The following ANAPC5 variants were observed in gnomAD, a reference collection of about 807,000 sequenced individuals.
ANAPC5 encodes anaphase-promoting complex subunit 5.
ANAPC5 carries 60 observed loss-of-function variants against 91.3 expected under a neutral mutation model. The observed-to-expected ratio is 0.66, with a 90% CI of 0.53 to 0.81. The LOEUF is 0.81. Among genes scored for constraint, ANAPC5 ranks in the 40% least tolerant of loss-of-function variants. The probability of loss-of-function intolerance (pLI) is 0.00; values close to 1 mark genes in which losing one functional copy is unlikely to be tolerated. For synonymous variants in ANAPC5, 340 were observed against 364.1 expected (o/e 0.93, Z 0.75); for missense variants, 690 against 931.5 (o/e 0.74, Z 3.37).
chr12:121,325,677 G>A (rs1438993799), intron 11 of ANAPC5, among the ~76,000 whole-genome samples: 1 of 151,808 alleles, frequency 6.6e-6, no homozygotes, highest in Non-Finnish European at 1.5e-5. Context: ...GACTATCCTG[G>A]CCAACATGGT....
intron 13 of ANAPC5, among the ~76,000 whole-genome samples, chr12:121,319,096 G>C (rs1305641318): frequency 1.4e-5 from 2 of 141,194 alleles, no homozygotes; most frequent in Non-Finnish European, 3.0e-5. Flanking sequence ...ATGTATGTGA[G>C]CATGCTGTGT....
intron 12 of ANAPC5, among the ~76,000 whole-genome samples, chr12:121,320,057 C>T (rs996142760): frequency 6.6e-6 from 1 of 152,168 alleles, no homozygotes; most frequent in African/African-American, 2.4e-5. Flanking sequence ...GCTTTATCTG[C>T]TTCATATACT....
chr12:121,311,774 A>AGTGAGCCATGATTGTGCC (rs1902176127), intron 15 of ANAPC5, among the ~76,000 whole-genome samples: 1 of 152,156 alleles, frequency 6.6e-6, no homozygotes, highest in African/African-American at 2.4e-5. Flanking sequence ...TTGAGGGTGC[A>AGTGAGCCATGATTGTGCC]GTGAGCCATG....
At position 121,319,775 on chromosome 12, in the gene ANAPC5, A is replaced by T; in HGVS notation, c.1559T>A (p.Met520Lys). Residue 520 changes from methionine (M) to lysine (K), a missense_variant, in exon 13 of 17, where the codon ATG becomes AAG. Around this residue, in one of 5 missense-constraint regions of ANAPC5, gnomAD observed 317 missense variants for 438.7 expected, o/e 0.72. Transcript: ENST00000261819. ...AGCCAAATGATATTTGCCATCATTC[A>T]TTGCTCTGTCAAACTGTATTTTTTG... ...CDQKIQFDRA[M>K]NDGKYHLADS... 1 of 1,612,606 alleles carries T rather than the reference A, an allele frequency of 6.2e-7. No individual in the cohort carries two copies. Among genetic ancestry groups the T allele is most frequent in the Non-Finnish European group, 8.5e-7 (1 of 1,179,540 alleles).
upstream of ANAPC5, among the ~76,000 whole-genome samples, chr12:121,352,778 C>G (rs1254523845): frequency 5.5e-5 from 5 of 91,660 alleles, no homozygotes; most frequent in Admixed American, 4.9e-4. Context: ...GCTATGTTAC[C>G]AAGACTGGAG....
At position 121,318,418 on chromosome 12, in the gene ANAPC5, T is replaced by C. The variant is rs1457450522; in HGVS notation, c.1752A>G (p.Leu584=). The C allele has an allele frequency of 9.3e-6, 15 of 1,611,212 alleles. No individual in the cohort carries two copies. Among genetic ancestry groups the C allele is most frequent in the South Asian group, 2.2e-5 (2 of 90,694 alleles). The change falls in exon 15 of 17, where the codon CTA becomes CTG. Residue 584 remains leucine, a synonymous_variant. Coordinates refer to ENST00000261819, the MANE Select transcript of ANAPC5 (RefSeq NM_016237.5). ...LKNTEMVISV[L]LSVAELYWRS... ...GCCAGTACAGCTCTGCCACGGACAG[T>C]AGGACACTGACCGTAAAGAGGAAAA...
intron 15 of ANAPC5, among the ~76,000 whole-genome samples, chr12:121,317,115 G>C (rs1460041110): frequency 6.6e-6 from 1 of 152,018 alleles, no homozygotes; most frequent in African/African-American, 2.4e-5. Context: ...CTGCTTAATG[G>C]GTACAGTTTC....
intron 15 of ANAPC5, among the ~76,000 whole-genome samples, chr12:121,314,817 G>C (rs1321123105): frequency 6.6e-6 from 1 of 152,022 alleles, no homozygotes; most frequent in African/African-American, 2.4e-5. Context: ...TTTTAGTAGA[G>C]ACGGGGTTTC....
In ANAPC5 at chr12:121,345,925, C is replaced by A. The variant is rs1266146186; in HGVS notation, c.504G>T (p.Lys168Asn). 1.9e-6 allele frequency: 3 copies of A among 1,614,074 alleles called. No individual in the cohort carries two copies. In the Admixed American group the frequency reaches 5.0e-5, roughly 27 times the overall value. ...LQQYFQNGEKKTVEDADMELT... is the reference protein window; with the variant it reads ...LQQYFQNGEKNTVEDADMELT... ...GTTCCATATCAGCATCCTCCACTGTCTTTTTCTCACCATTCTGGAAGTACT... is the reference window on the plus strand; with the variant it reads ...GTTCCATATCAGCATCCTCCACTGTATTTTTCTCACCATTCTGGAAGTACT... Residue 168 changes from lysine to asparagine, a missense_variant, in exon 4 of 17, where the codon AAG becomes AAT. Transcript: ENST00000261819.
At chr12:121,353,033 A>T (rs1423611141), upstream of ANAPC5, among the ~76,000 whole-genome samples, 2 of 151,614 alleles carry the variant, frequency 1.3e-5, no homozygotes, top group Non-Finnish European at 2.9e-5. Flanking sequence ...TAGGAGTTTA[A>T]CTCTGTCTTT....
intron 9 of ANAPC5, among the ~76,000 whole-genome samples, chr12:121,329,738 C>T (rs1555272678): frequency 1.3e-5 from 2 of 151,996 alleles, no homozygotes; most frequent in African/African-American, 4.8e-5. Context: ...GCCTCAGCCT[C>T]CTAAGTAGCT....
At chr12:121,351,995 G>A (rs1903909694) in intron 1 of ANAPC5, 139 bp downstream of exon 1, 1 of 795,274 alleles carries the variant, frequency 1.3e-6, no homozygotes, top group Non-Finnish European at 1.9e-6. Context: ...ACCGGTAGTA[G>A]CTATCTTTAT....
chr12:121,316,753 A>G (rs1006983991), intron 15 of ANAPC5, among the ~76,000 whole-genome samples: 29 of 151,084 alleles, frequency 1.9e-4, no homozygotes, highest in South Asian at 1.5e-3. Flanking sequence ...AAAAAAAAAA[A>G]AAAAGAAAAC....
intron 13 of ANAPC5, 97 bp downstream of exon 13, chr12:121,319,600 T>G: frequency 7.5e-7 from 1 of 1,325,178 alleles, no homozygotes; most frequent in Non-Finnish European, 1.0e-6. Flanking sequence ...AATAAAGTTT[T>G]TTTCTAAGCT....
At chr12:121,337,207 A>G in intron 6 of ANAPC5, 84 bp downstream of exon 6, 1 of 1,110,202 alleles carries the variant, frequency 9.0e-7, no homozygotes, top group South Asian at 1.3e-5. Flanking sequence ...ACAGAGTAAG[A>G]CTCTGTTTCC....
chr12:121,312,182 T>C (rs976522082), intron 15 of ANAPC5, among the ~76,000 whole-genome samples: 15 of 152,160 alleles, frequency 9.9e-5, no homozygotes, highest in Non-Finnish European at 2.2e-4. Flanking sequence ...TTCACAAATA[T>C]GTGGAAATTA....
upstream of ANAPC5, among the ~76,000 whole-genome samples, chr12:121,354,102 C>T (rs1012656107): frequency 3.3e-5 from 5 of 151,906 alleles, no homozygotes; most frequent in African/African-American, 1.2e-4. Context: ...AATTCTCCTG[C>T]CTCAGCCTCC....
chr12:121,310,761 C>A (rs112248993), intron 15 of ANAPC5, among the ~76,000 whole-genome samples: 13,613 of 151,766 alleles, frequency 0.09, 1,895 homozygotes, highest in African/African-American at 0.3. Context: ...TGGTGAAACC[C>A]TGTCTTTCCT....
At chr12:121,333,847 A>ATAAGTCATT (rs2136792340) in intron 7 of ANAPC5, 1 of 152,294 alleles carries the variant, frequency 6.6e-6, no homozygotes, top group African/African-American at 2.4e-5. Context: ...ACATGCTTGG[A>ATAAGTCATT]TAAGTCATTT....
Sources: allele counts gnomAD v4.1 joint callset (sites outside exome capture counted in the v4.1 genomes callset), GRCh38; gene constraint gnomAD v4.1.1; regional missense constraint gnomAD v4.1.1; transcripts MANE v1.5; gene names NCBI Gene and HGNC (gene_info 2026-07-23, HGNC 2026-07-21).